The following PLEKHA7 variants were observed in gnomAD, a reference collection of about 807,000 sequenced individuals.
The protein encoded by PLEKHA7 is pleckstrin homology domain containing A7.
A neutral mutation model predicts 170.0 loss-of-function variants in PLEKHA7; 104 were observed. That is an observed-to-expected ratio of 0.61 (90% confidence interval 0.52 to 0.72). PLEKHA7 has a LOEUF of 0.72. Among genes scored for constraint, PLEKHA7 ranks in the 30% least tolerant of loss-of-function variants. The pLI, the probability that PLEKHA7 is intolerant of heterozygous loss-of-function variation, is 0.00. For missense variants in PLEKHA7, 1,615 were observed against 1,671.7 expected, an observed-to-expected ratio of 0.97 and a Z score of 0.59; for synonymous variants, 648 against 660.8, an observed-to-expected ratio of 0.98 and a Z score of 0.30.
chr11:16,841,719 C>T lies in PLEKHA7; in HGVS notation c.700G>A (p.Val234Met), dbSNP rs1330230960. 1 of 1,613,472 alleles carries T rather than the reference C, an allele frequency of 6.2e-7. No homozygotes were observed. Among genetic ancestry groups the T allele is most frequent in the Non-Finnish European group, 8.5e-7 (1 of 1,179,698 alleles). ...ATGAGCGCTCGCATCCCCGTGTGCA[C>T]AGCCTGTAGCATGAAGGCAGAATGC... ...RISRKYSFKA[V>M]HTGMRALIYN... Residue 234 changes from valine (V) to methionine (M), a missense_variant, in exon 9 of 27, where the codon GTG becomes ATG. Physicochemically the swap from Val to Met is conservative, Grantham distance 21. Coordinates refer to ENST00000531066, the MANE Select transcript of PLEKHA7 (RefSeq NM_001329630.2).
rs1000084868 is a variant in PLEKHA7, at chr11:16,826,531, T to C, written c.932A>G (p.His311Arg). The change falls in exon 10 of 27, where the codon CAC (histidine) becomes CGC (arginine). Residue 311 changes from histidine (H) to arginine (R), a missense_variant. His to Arg is a conservative substitution (Grantham distance 29). Coordinates refer to ENST00000531066, the MANE Select transcript of PLEKHA7 (RefSeq NM_001329630.2). ...TCCGGGTCCCACCCGGCCACATTCG[T>C]GACAGGACTCTGTGTGGTTGGCCTG... The part of the protein sequence containing the change: ...VPQANHTESC[H>R]ECGRVGPGHT... 6 of 1,614,092 alleles carry C rather than the reference T, an allele frequency of 3.7e-6. No homozygotes were observed. The highest frequency in any genetic ancestry group is 4.2e-6 in the Non-Finnish European group (5 of 1,180,052).
chr11:16,887,291 A>G (rs1270661973), intron 3 of PLEKHA7, among the ~76,000 whole-genome samples: 1 of 128,620 alleles, frequency 7.8e-6, no homozygotes, highest in Admixed American at 7.6e-5. Context: ...TACTAAAAAT[A>G]TAAACCTCAA....
chr11:16,866,635 T>A (rs1310153707), intron 4 of PLEKHA7, among the ~76,000 whole-genome samples: 1 of 152,178 alleles, frequency 6.6e-6, no homozygotes, highest in Non-Finnish European at 1.5e-5. Flanking sequence ...TCAGGTGACC[T>A]ATGATGGACA....
intron 3 of PLEKHA7, among the ~76,000 whole-genome samples, chr11:16,926,546 T>C (rs1046258599): frequency 3.3e-5 from 5 of 152,154 alleles, no homozygotes; most frequent in Non-Finnish European, 5.9e-5. Context: ...GTAATTACCA[T>C]TGTTGCGAGG....
intron 3 of PLEKHA7, among the ~76,000 whole-genome samples, chr11:16,878,232 C>A (rs1446677419): frequency 1.3e-5 from 2 of 152,142 alleles, no homozygotes; most frequent in African/African-American, 4.8e-5. Context: ...GCACCCTACT[C>A]ATCTCTTAAC....
At position 16,816,258 on chromosome 11, in the gene PLEKHA7, A is replaced by G. The variant is rs757251050; in HGVS notation, c.1873T>C (p.Ser625Pro). 8 of 1,612,474 alleles carry G rather than the reference A, an allele frequency of 5.0e-6. No individual in the cohort carries two copies. Among genetic ancestry groups the G allele is most frequent in the East Asian group, 2.2e-5 (1 of 44,870 alleles). The change falls in exon 12 of 27, where the codon TCT becomes CCT. Residue 625 changes from serine to proline, a missense_variant. Ser to Pro is a moderately conservative substitution (Grantham distance 74). Coordinates refer to ENST00000531066, the MANE Select transcript of PLEKHA7 (RefSeq NM_001329630.2). Reference sequence around the variant, plus strand: ...GGCATGGAGCGTCGGTCCACATGAGATGAGTTCTGCAAGTGGGGAGACAAG... The same window carrying G: ...GGCATGGAGCGTCGGTCCACATGAGGTGAGTTCTGCAAGTGGGGAGACAAG... ...RARGHAVKNS[S>P]HVDRRSMPSM...
intron 9 of PLEKHA7, among the ~76,000 whole-genome samples, chr11:16,832,445 G>A (rs972508672): frequency 5.3e-5 from 8 of 152,142 alleles, no homozygotes; most frequent in African/African-American, 1.9e-4. Context: ...ACCTCAGACT[G>A]GCGATACTTC....
chr11:16,834,941 A>T (rs1311441922), intron 9 of PLEKHA7, among the ~76,000 whole-genome samples: 2 of 152,142 alleles, frequency 1.3e-5, no homozygotes, highest in Admixed American at 6.6e-5. Context: ...CTATCATGGA[A>T]TTCTGAAGCC....
At chr11:16,830,852 C>A (rs1232966956) in intron 9 of PLEKHA7, among the ~76,000 whole-genome samples, 2 of 152,134 alleles carry the variant, frequency 1.3e-5, no homozygotes, top group Non-Finnish European at 1.5e-5. Context: ...AACACCTGAC[C>A]CTCAAATCAT....
chr11:16,842,920 G>A (rs1852087905), intron 8 of PLEKHA7, among the ~76,000 whole-genome samples: 1 of 152,184 alleles, frequency 6.6e-6, no homozygotes, highest in Non-Finnish European at 1.5e-5. Flanking sequence ...GAGATGTTAA[G>A]TAACTTTCCG....
intron 6 of PLEKHA7, among the ~76,000 whole-genome samples, chr11:16,853,271 T>C (rs1236078361): frequency 6.6e-6 from 1 of 152,184 alleles, no homozygotes; most frequent in Non-Finnish European, 1.5e-5. Context: ...TTGAAAAACA[T>C]CTGACAATTT....
chr11:16,978,301 C>T (rs767857430), intron 3 of PLEKHA7, among the ~76,000 whole-genome samples: 1 of 152,172 alleles, frequency 6.6e-6, no homozygotes, highest in Non-Finnish European at 1.5e-5. Flanking sequence ...TAATTAGTGG[C>T]CACCTACTCC....
chr11:16,940,152 A>C (rs547262060), intron 3 of PLEKHA7, among the ~76,000 whole-genome samples: 1 of 152,212 alleles, frequency 6.6e-6, no homozygotes, highest in East Asian at 1.9e-4. Flanking sequence ...AAGAAGTACC[A>C]CTTGTGTCTT....
chr11:16,961,680 G>A (rs1165458166), intron 3 of PLEKHA7, among the ~76,000 whole-genome samples: 2 of 152,224 alleles, frequency 1.3e-5, no homozygotes, highest in Non-Finnish European at 2.9e-5. Context: ...ACAGGATTCT[G>A]GCAGGGCCCG....
intron 3 of PLEKHA7, among the ~76,000 whole-genome samples, chr11:17,009,375 A>ATTC (rs1865193132): frequency 6.6e-6 from 1 of 152,234 alleles, no homozygotes; most frequent in African/African-American, 2.4e-5. Context: ...TTACGGCAAG[A>ATTC]TTCTATGTCT....
At chr11:16,953,290 T>C (rs1009899849) in intron 3 of PLEKHA7, among the ~76,000 whole-genome samples, 2 of 152,246 alleles carry the variant, frequency 1.3e-5, no homozygotes, top group African/African-American at 4.8e-5. Flanking sequence ...ATCAGCAAAA[T>C]GCCTTGTACT....
intron 9 of PLEKHA7, among the ~76,000 whole-genome samples, chr11:16,833,217 C>T (rs1406463780): frequency 1.3e-5 from 2 of 152,172 alleles, no homozygotes; most frequent in African/African-American, 4.8e-5. Flanking sequence ...TGACACCCTC[C>T]ACAATCCTTC....
chr11:16,818,838 C>G (rs1183091164), intron 10 of PLEKHA7, among the ~76,000 whole-genome samples: 2 of 149,438 alleles, frequency 1.3e-5, no homozygotes, highest in Non-Finnish European at 3.0e-5. Flanking sequence ...GAGTCTTGCT[C>G]TTTTGCCCAG....
At chr11:16,813,887 C>T (rs1849555721) in intron 12 of PLEKHA7, among the ~76,000 whole-genome samples, 1 of 152,156 alleles carries the variant, frequency 6.6e-6, no homozygotes, top group African/African-American at 2.4e-5. Context: ...CTTTGATTTC[C>T]CAAAACTCAT....
Sources: allele counts gnomAD v4.1 joint callset (sites outside exome capture counted in the v4.1 genomes callset), GRCh38; gene constraint gnomAD v4.1.1; transcripts MANE v1.5; gene names NCBI Gene and HGNC (gene_info 2026-07-23, HGNC 2026-07-21).